Variants in CILP observed in about 807,000 individuals in gnomAD.
CILP encodes cartilage intermediate layer protein 1.
Under a neutral mutation model 82.5 loss-of-function variants are expected in CILP, and 75 were observed. The observed-to-expected ratio is 0.91, with a 90% confidence interval of 0.75 to 1.10. CILP has a LOEUF of 1.10. Ranked by LOEUF, CILP falls within the 50% of genes least tolerant of loss-of-function variation. The probability of loss-of-function intolerance (pLI) is 0.00; values close to 1 mark genes in which losing one functional copy is unlikely to be tolerated. For missense variants in CILP, 1,479 were observed against 1,530.8 expected (o/e 0.97, Z 0.56); for synonymous variants, 530 against 580.3 (o/e 0.91, Z 1.25).
At chr15:65,209,012 C>CTTTTTTTTTTTTTTTTTTTTTT (rs556369891) in intron 2 of CILP, among the ~76,000 whole-genome samples, 5 of 69,988 alleles carry the variant, frequency 7.1e-5, no homozygotes, top group Non-Finnish European at 7.3e-5. Context: ...GGGTTTTGAG[C>CTTTTTTTTTTTTTTTTTTTTTT]TTTTTTTTTT....
chr15:65,203,096 C>T (rs930387285), intron 7 of CILP, among the ~76,000 whole-genome samples: 3 of 152,108 alleles, frequency 2.0e-5, no homozygotes, highest in Non-Finnish European at 4.4e-5. Flanking sequence ...CACAGCCTCC[C>T]GAAGTGCTGG....
intron 3 of CILP, 117 bp downstream of exon 3, chr15:65,207,555 G>C (rs2140682778): frequency 1.2e-6 from 1 of 815,684 alleles, no homozygotes; most frequent in East Asian, 2.6e-5. Context: ...GAGGCCAAAT[G>C]CTTGTAAAAG....
In CILP at chr15:65,203,359, C is replaced by T; in HGVS notation, c.1028+3G>A. The T allele has an allele frequency of 1.2e-6, 2 of 1,608,708 alleles. No homozygotes were observed. The highest frequency in any genetic ancestry group is 1.7e-6 in the Non-Finnish European group (2 of 1,175,372). On this transcript the variant is annotated splice_donor_region_variant and intron_variant, in intron 7 of 8. Coordinates refer to ENST00000261883, the MANE Select transcript of CILP (RefSeq NM_003613.4). ...TGGGCAGGGTAGCTAGCAGAATACG[C>T]ACCAAAAATACTTGTCTGGCCTGGG...
Position 65,199,087 on chromosome 15 carries a change from G to A in CILP, c.1199C>T (p.Thr400Ile), listed in dbSNP as rs1268643830. The change falls in exon 9 of 9, where the codon ACT becomes ATT. Residue 400 changes from threonine to isoleucine, a missense_variant. By Grantham distance (89) the Thr-to-Ile change is moderately conservative. Coordinates refer to ENST00000261883, the MANE Select transcript of CILP (RefSeq NM_003613.4). ...GCTCTCAGGAACTGGGTTGCAAGGAGTCTCATCAGATGCTGTGTAGGGAAA... is the reference window on the plus strand; with the variant it reads ...GCTCTCAGGAACTGGGTTGCAAGGAATCTCATCAGATGCTGTGTAGGGAAA... ...AQLIVIASDE[T>I]PCNPVPESYL... The A allele has an allele frequency of 2.5e-6, 4 of 1,591,282 alleles. No homozygotes were observed. The highest frequency in any genetic ancestry group is 3.4e-6 in the Non-Finnish European group (4 of 1,175,764).
Position 65,205,292 on chromosome 15 carries a change from C to G in CILP, c.599G>C (p.Cys200Ser). The part of the protein sequence containing the change: ...EEGQHCMGQD[C>S]TACDLTCPMG... ...GCCAGGAGGGAGGGTGGTACCTGTACAGTCCTGGCCCATGCAGTGCTGACC... is the reference window on the plus strand; with the variant it reads ...GCCAGGAGGGAGGGTGGTACCTGTAGAGTCCTGGCCCATGCAGTGCTGACC... The change falls in exon 5 of 9, where the codon TGT becomes TCT. Residue 200 changes from cysteine to serine, a missense_variant. Cys to Ser is a moderately radical substitution (Grantham distance 112). Coordinates refer to ENST00000261883, the MANE Select transcript of CILP (RefSeq NM_003613.4). 1 of 1,608,174 alleles carries G rather than the reference C, an allele frequency of 6.2e-7. No individual in the cohort carries two copies.
At chr15:65,199,233 C>G in intron 8 of CILP, 134 bp from the exon 9 acceptor site, 3 of 654,190 alleles carry the variant, frequency 4.6e-6, no homozygotes, top group Non-Finnish European at 7.7e-6. Context: ...TCTCACAGAA[C>G]TCTCTGAGAG....
In CILP at chr15:65,209,715, AG is replaced by A; in HGVS notation, c.40del (p.Leu14TrpfsTer17). On this transcript the variant is annotated frameshift_variant, in exon 2 of 9. Transcript: ENST00000261883. LOFTEE classifies it high-confidence loss of function. Reference protein sequence around the residue: ...TKAWVFSFLVLEVTSVLGRQT... With the variant: ...TKAWVFSFLVXEVTSVLGRQT... ...TATACCCAACACAGATGTGACTTCC[AG>A]GACCAGGAAGGAGAACACCCAGGCC... 1 of 1,614,144 alleles carries A rather than the reference AG, an allele frequency of 6.2e-7. No individual in the cohort carries two copies. The highest frequency in any genetic ancestry group is 8.5e-7 in the Non-Finnish European group (1 of 1,180,004).
Position 65,206,803 on chromosome 15 carries a change from CG to C in CILP, c.402del (p.Val135TyrfsTer71). 1 of 1,612,932 alleles carries C rather than the reference CG, an allele frequency of 6.2e-7. No individual in the cohort carries two copies. Among genetic ancestry groups the C allele is most frequent in the Non-Finnish European group, 8.5e-7 (1 of 1,179,226 alleles). Reference protein sequence around the residue: ...QRPGQNCSNYTVRFLCPPGSL... With the variant: ...QRPGQNCSNYXVRFLCPPGSL... ...TTACCTGGTGGGCAGAGGAAGCGTACGGTGTAATTAGAGCAGTTCTGGCCAG... is the reference window on the plus strand; with the variant it reads ...TTACCTGGTGGGCAGAGGAAGCGTACGTGTAATTAGAGCAGTTCTGGCCAG... On this transcript the variant is annotated frameshift_variant, in exon 4 of 9. Transcript: ENST00000261883. LOFTEE classifies it high-confidence loss of function.
Position 65,207,123 on chromosome 15 carries a change from AC to A in CILP, c.155-73del, listed in dbSNP as rs541266245. ...TCCAGTTCTCCTTTCCCTCTCACCC[AC>A]CCCCAGCTGGCCTCAGGCCCTATCA... On this transcript the variant is annotated intron_variant, in intron 3 of 8. Transcript: ENST00000261883. 2.6e-3 allele frequency: 3,993 copies of A among 1,521,046 alleles called. 7 individuals carry two copies. The highest frequency in any genetic ancestry group is 3.0e-3 in the Non-Finnish European group (3,441 of 1,131,906). The allele number at this position is 1,521,046 out of a possible 1,614,324, so 94.2% of individuals were successfully genotyped here.
chr15:65,208,227 A>G (rs2088540141), intron 2 of CILP, among the ~76,000 whole-genome samples: 1 of 152,152 alleles, frequency 6.6e-6, no homozygotes, highest in Non-Finnish European at 1.5e-5. Flanking sequence ...AGGGTGATTC[A>G]GTTGGCATGA....
rs1266801781 is a variant in CILP at position 65,197,630 on chromosome 15, C to G, written c.2656G>C (p.Ala886Pro). 2 of 1,614,236 alleles carry G rather than the reference C, an allele frequency of 1.2e-6. No individual in the cohort carries two copies. Among genetic ancestry groups the G allele is most frequent in the South Asian group, 2.2e-5 (2 of 91,086 alleles). ...ISMAKPRPNSAEESNGPIYAF... is the reference protein window; with the variant it reads ...ISMAKPRPNSPEESNGPIYAF... ...TAGATGGGCCCATTGCTCTCCTCAG[C>G]TGAGTTGGGCCTTGGCTTGGCCATG... The change falls in exon 9 of 9, where the codon GCT becomes CCT. Residue 886 changes from alanine to proline, a missense_variant. By Grantham distance (27) the Ala-to-Pro change is conservative (BLOSUM62 -1). Transcript: ENST00000261883.
In CILP at chr15:65,198,011, A is replaced by G; in HGVS notation, c.2275T>C (p.Tyr759His). The G allele has an allele frequency of 1.2e-6, 2 of 1,614,222 alleles. No homozygotes were observed. The highest frequency in any genetic ancestry group is 1.7e-6 in the Non-Finnish European group (2 of 1,180,034). Residue 759 changes from tyrosine to histidine, a missense_variant, in exon 9 of 9, where the codon TAC becomes CAC. By Grantham distance (83) the Tyr-to-His change is moderately conservative (BLOSUM62 2). Coordinates refer to ENST00000261883, the MANE Select transcript of CILP (RefSeq NM_003613.4). ...SRRCFVKVRA[Y>H]RSERFLPSEQ... is the part of the protein sequence containing the mutation. ...CTAGGCAAGAACCTCTCACTCCGGT[A>G]GGCCCTCACCTTAACAAAGCACCGC...
chr15:65,204,526 A>C lies in CILP; in HGVS notation c.661T>G (p.Cys221Gly), dbSNP rs199603385. The C allele has an allele frequency of 1.9e-6, 3 of 1,613,488 alleles. No individual in the cohort carries two copies. The highest frequency in any genetic ancestry group is 2.7e-5 in the African/African-American group (2 of 75,046). ...QVNADCDACM[C>G]QDFMLHGAVS... ...GCCCCATGAAGCATGAAGTCCTGGCACATGCAGGCATCACAGTCAGCATTC... is the reference window on the plus strand; with the variant it reads ...GCCCCATGAAGCATGAAGTCCTGGCCCATGCAGGCATCACAGTCAGCATTC... The change falls in exon 6 of 9, where the codon TGC becomes GGC. Residue 221 changes from cysteine to glycine, a missense_variant. Cys to Gly is a radical substitution (Grantham distance 159). Coordinates refer to ENST00000261883, the MANE Select transcript of CILP (RefSeq NM_003613.4).
In CILP at chr15:65,209,734, C is replaced by T. The variant is rs147074739; in HGVS notation, c.22G>A (p.Val8Met). Residue 8 changes from valine to methionine, a missense_variant, in exon 2 of 9, where the codon GTG becomes ATG. Val to Met is a conservative substitution (Grantham distance 21). Coordinates refer to ENST00000261883, the MANE Select transcript of CILP (RefSeq NM_003613.4). MVGTKAWVFSFLVLEVTS... is the reference protein window; with the variant it reads MVGTKAWMFSFLVLEVTS... ...ACTTCCAGGACCAGGAAGGAGAACA[C>T]CCAGGCCTTGGTCCCCACCATCTTT... 1.5e-4 allele frequency: 247 copies of T among 1,614,082 alleles called. 2 individuals carry two copies. In the African/African-American group the frequency reaches 2.8e-3, roughly 18 times the overall value.
intron 2 of CILP, among the ~76,000 whole-genome samples, chr15:65,208,765 A>G (rs2088549629): frequency 6.6e-6 from 1 of 152,222 alleles, no homozygotes. Flanking sequence ...CGCTTACTCC[A>G]GGAGCCAAAT....
rs1566991646 is a variant in CILP at position 65,195,675 on chromosome 15, G to T, written c.*1056C>A. On this transcript the variant is annotated 3_prime_UTR_variant, in exon 9 of 9. Coordinates refer to ENST00000261883, the MANE Select transcript of CILP (RefSeq NM_003613.4). ...CAACAGGCTGTTGGGAGAGCCAAAG[G>T]ACCACTTGGCCAGCTTGTCAGACCC... 6.6e-6 allele frequency: 1 copy of T among 152,190 alleles called. No individual in the cohort carries two copies. The highest frequency in any genetic ancestry group is 1.5e-5 in the Non-Finnish European group (1 of 68,040). The allele number at this position is 152,190 out of a possible 1,614,324, so 9.4% of individuals were successfully genotyped here. A position where few individuals can be genotyped will look rare whatever the true frequency, so the allele number is the denominator to read the frequency against.
At chr15:65,205,498 TC>T (rs949010459) in intron 4 of CILP, 32 bp from the exon 5 acceptor site, 1 of 1,565,630 alleles carries the variant, frequency 6.4e-7, no homozygotes, top group African/African-American at 1.4e-5. Flanking sequence ...CGGTCTGATT[TC>T]CCTCTTGAGG....
chr15:65,206,305 T>C (rs1263235442), intron 4 of CILP, among the ~76,000 whole-genome samples: 1 of 152,176 alleles, frequency 6.6e-6, no homozygotes, highest in East Asian at 1.9e-4. Flanking sequence ...TAACACTCAG[T>C]GAGCATTTAC....
At chr15:65,209,616 C>T in intron 2 of CILP, 79 bp downstream of exon 2, 1 of 1,374,770 alleles carries the variant, frequency 7.3e-7, no homozygotes, top group Non-Finnish European at 1.0e-6. Context: ...AAGGCAGATG[C>T]ATAGTTCAGT....
Sources: allele counts gnomAD v4.1 joint callset (sites outside exome capture counted in the v4.1 genomes callset), GRCh38; gene constraint gnomAD v4.1.1; transcripts MANE v1.5; gene names NCBI Gene and HGNC (gene_info 2026-07-23, HGNC 2026-07-21).